Variants in TNFRSF21 observed in about 807,000 individuals in gnomAD.
TNFRSF21 encodes TNF receptor superfamily member 21, also known as tumor necrosis factor receptor superfamily member 21.
A neutral mutation model predicts 45.6 loss-of-function variants in TNFRSF21; 19 were observed. The ratio of observed to expected loss-of-function variants is 0.42; its 90% CI spans 0.29 to 0.61. The LOEUF is 0.61. Among genes scored for constraint, TNFRSF21 ranks in the 20% least tolerant of loss-of-function variants. The pLI, the probability that TNFRSF21 is intolerant of heterozygous loss-of-function variation, is 0.23. For missense variants in TNFRSF21, 737 were observed against 851.5 expected, an observed-to-expected ratio of 0.87 and a Z score of 1.67; for synonymous variants, 314 against 335.5, an observed-to-expected ratio of 0.94 and a Z score of 0.70.
At chr6:47,265,364 G>T (rs1446266038) in intron 3 of TNFRSF21, among the ~76,000 whole-genome samples, 2 of 151,654 alleles carry the variant, frequency 1.3e-5, no homozygotes, top group African/African-American at 4.8e-5. Flanking sequence ...TCTTGACTGA[G>T]CACAGTTTTT....
chr6:47,289,914 A>C (rs1374638812), intron 1 of TNFRSF21, among the ~76,000 whole-genome samples: 1 of 152,132 alleles, frequency 6.6e-6, no homozygotes, highest in African/African-American at 2.4e-5. Flanking sequence ...GAATTGCTTG[A>C]GCCTGGGAGG....
At chr6:47,235,481 G>A (rs1434221205) in intron 4 of TNFRSF21, among the ~76,000 whole-genome samples, 6 of 152,182 alleles carry the variant, frequency 3.9e-5, no homozygotes, top group African/African-American at 1.4e-4. Context: ...CAAGCCAAGA[G>A]AGAGACCTCA....
chr6:47,283,550 A>G (rs527321253), intron 3 of TNFRSF21, among the ~76,000 whole-genome samples: 2 of 152,200 alleles, frequency 1.3e-5, no homozygotes. Context: ...AAGTGCTCCA[A>G]CAGTCAGGAG....
At chr6:47,296,032 C>T (rs1364208233) in intron 1 of TNFRSF21, among the ~76,000 whole-genome samples, 2 of 152,118 alleles carry the variant, frequency 1.3e-5, no homozygotes, top group African/African-American at 4.8e-5. Context: ...GTCCTGGGGC[C>T]ACAGAACCTC....
intron 3 of TNFRSF21, among the ~76,000 whole-genome samples, chr6:47,265,548 C>T (rs996696079): frequency 6.6e-6 from 1 of 152,114 alleles, no homozygotes; most frequent in African/African-American, 2.4e-5. Context: ...GCTATGTGAA[C>T]TTGGGGAAGT....
intron 1 of TNFRSF21, among the ~76,000 whole-genome samples, chr6:47,304,921 G>A (rs1762917656): frequency 6.6e-6 from 1 of 152,176 alleles, no homozygotes; most frequent in African/African-American, 2.4e-5. Flanking sequence ...AACTCATGGG[G>A]TCGGTCAGGA....
intron 4 of TNFRSF21, among the ~76,000 whole-genome samples, chr6:47,246,281 CA>C (rs1312318457): frequency 6.6e-6 from 1 of 151,966 alleles, no homozygotes; most frequent in Non-Finnish European, 1.5e-5. Context: ...GCTGTCAAGT[CA>C]AAAAAAGGAC....
intron 3 of TNFRSF21, among the ~76,000 whole-genome samples, chr6:47,268,336 C>G (rs7763487): frequency 6.6e-6 from 1 of 152,160 alleles, no homozygotes; most frequent in Non-Finnish European, 1.5e-5. Flanking sequence ...GGAAGTATTA[C>G]TTCTCTCCCT....
At chr6:47,305,124 A>G (rs553213719) in intron 1 of TNFRSF21, among the ~76,000 whole-genome samples, 138 of 152,346 alleles carry the variant, frequency 9.1e-4, no homozygotes, top group African/African-American at 2.7e-3. Flanking sequence ...TAAGGTAAGT[A>G]TACTACATTC....
At chr6:47,299,459 C>T (rs1400900619) in intron 1 of TNFRSF21, among the ~76,000 whole-genome samples, 1 of 152,100 alleles carries the variant, frequency 6.6e-6, no homozygotes, top group Non-Finnish European at 1.5e-5. Context: ...ACGCCACCTA[C>T]ACACCAGCCT....
At chr6:47,271,809 G>C (rs1226347996) in intron 3 of TNFRSF21, among the ~76,000 whole-genome samples, 13 of 152,056 alleles carry the variant, frequency 8.5e-5, no homozygotes, top group Non-Finnish European at 1.8e-4. Flanking sequence ...AAAATAAGGG[G>C]ATGGAGGAAG....
intron 1 of TNFRSF21, among the ~76,000 whole-genome samples, chr6:47,300,977 A>T (rs1015500216): frequency 1.3e-5 from 2 of 152,262 alleles, no homozygotes; most frequent in Admixed American, 1.3e-4. Flanking sequence ...AAGCAGGTAC[A>T]TACACATTAG....
chr6:47,284,374 G>A lies in TNFRSF21; in HGVS notation c.807C>T (p.Ser269=), dbSNP rs1384794998. 2 of 1,551,458 alleles carry A rather than the reference G, an allele frequency of 1.3e-6. No individual in the cohort carries two copies. Among genetic ancestry groups the A allele is most frequent in the East Asian group, 4.5e-5 (2 of 44,484 alleles). ...SASVRPKVLS[S]IQEGTVPDNT... The stretch of plus-strand genomic sequence containing the variant: ...TGTCAGGGACTGTCCCTTCCTGGAT[G>A]CTACTCAGTACCTTTGGTCTAACAG... Residue 269 remains serine, a synonymous_variant, in exon 3 of 6, where the codon AGC becomes AGT. Transcript: ENST00000296861.
chr6:47,293,493 T>C (rs574086111), intron 1 of TNFRSF21, among the ~76,000 whole-genome samples: 17 of 152,228 alleles, frequency 1.1e-4, no homozygotes, highest in East Asian at 1.9e-4. Flanking sequence ...CAGCCCTTTA[T>C]AGAATACACT....
intron 1 of TNFRSF21, among the ~76,000 whole-genome samples, chr6:47,303,328 T>G (rs1762898476): frequency 6.6e-6 from 1 of 152,196 alleles, no homozygotes; most frequent in South Asian, 2.1e-4. Context: ...TTTCTTGTTT[T>G]TATTTTTGTG....
intron 4 of TNFRSF21, among the ~76,000 whole-genome samples, chr6:47,250,568 A>G (rs1764887190): frequency 6.6e-6 from 1 of 152,382 alleles, no homozygotes; most frequent in East Asian, 1.9e-4. Flanking sequence ...GGAACATAAC[A>G]TAGGCACTTT....
At chr6:47,253,577 A>C (rs1450195826) in intron 3 of TNFRSF21, 56 bp from the exon 4 acceptor site, 1 of 1,578,028 alleles carries the variant, frequency 6.3e-7, no homozygotes, top group African/African-American at 1.3e-5. Flanking sequence ...AGCTTCTTAC[A>C]TAAGGCAGCT....
At chr6:47,293,917 G>C (rs1057401880) in intron 1 of TNFRSF21, among the ~76,000 whole-genome samples, 1 of 152,070 alleles carries the variant, frequency 6.6e-6, no homozygotes, top group African/African-American at 2.4e-5. Context: ...CCATTTTTCT[G>C]TTTAGCATGT....
chr6:47,233,026 G>A, intron 5 of TNFRSF21, 32 bp from the exon 6 acceptor site: 1 of 1,605,550 alleles, frequency 6.2e-7, no homozygotes, highest in Non-Finnish European at 8.5e-7. Context: ...AAAGACAGCT[G>A]TAAGGTGACT....
Sources: gnomAD v4.1 joint callset for allele counts (sites outside exome capture counted in the v4.1 genomes callset) on GRCh38, gnomAD v4.1.1 for gene constraint, MANE v1.5 for transcripts, NCBI Gene and HGNC (gene_info 2026-07-23, HGNC 2026-07-21) for gene names.